ZBTB20: variants seen among roughly 807,000 people sequenced by gnomAD.
ZBTB20 encodes the protein zinc finger and BTB domain containing 20, also known as zinc finger and BTB domain-containing protein 20.
A neutral mutation model predicts 56.9 loss-of-function variants in ZBTB20; 9 were observed. That is an observed-to-expected ratio of 0.16 (90% confidence interval 0.10 to 0.28). ZBTB20 has a LOEUF of 0.28. ZBTB20 is among the 10% of genes least tolerant of loss of function. The probability of loss-of-function intolerance (pLI) is 1.00; values close to 1 mark genes in which losing one functional copy is unlikely to be tolerated. For missense variants in ZBTB20, 655 were observed against 1,003.0 expected (o/e 0.65, Z 4.69); for synonymous variants, 417 against 420.7 (o/e 0.99, Z 0.11).
intron 5 of ZBTB20, among the ~76,000 whole-genome samples, chr3:114,705,179 ATAATACTAACCCTTCCCTCACCACCAC>A (rs1181086167): frequency 6.6e-6 from 1 of 152,182 alleles, no homozygotes; most frequent in East Asian, 1.9e-4. Context: ...ATATTTGTAT[ATAATACTAACCCTTCCCTCACCACCAC>A]AGCCTGATAG....
At chr3:114,910,121 A>G (rs953468684) in intron 3 of ZBTB20, among the ~76,000 whole-genome samples, 9 of 151,990 alleles carry the variant, frequency 5.9e-5, no homozygotes, top group Admixed American at 5.9e-4. Flanking sequence ...ACTGAATACT[A>G]TGAAATACTT....
chr3:114,883,923 T>C lies in ZBTB20; in HGVS notation c.-417+16381A>G, dbSNP rs1311189150. On this transcript the variant is annotated intron_variant, in intron 4 of 11. Transcript: ENST00000675478. The stretch of plus-strand genomic sequence containing the variant: ...TGGTAAGAATGGTGTGTTCTTTTTT[T>C]TTTTTTTTTTTTTTTTTTTTGAGAC... Among the ~76,000 whole-genome samples the C allele has an allele frequency of 9.4e-4, 59 of 62,456 alleles. 11 individuals are homozygous for C. In the East Asian group the frequency reaches 9.8e-3, roughly 10 times the overall value. The allele number at this position is 62,456 out of a possible 152,430, so 41.0% of individuals were successfully genotyped here.
At chr3:114,930,350 T>G (rs2076308749) in intron 3 of ZBTB20, among the ~76,000 whole-genome samples, 1 of 152,174 alleles carries the variant, frequency 6.6e-6, no homozygotes, top group Non-Finnish European at 1.5e-5. Context: ...AGGGAAATAA[T>G]ATTCCCTTAT....
intron 4 of ZBTB20, among the ~76,000 whole-genome samples, chr3:114,808,275 A>G (rs553309203): frequency 6.6e-6 from 1 of 152,068 alleles, no homozygotes; most frequent in Non-Finnish European, 1.5e-5. Flanking sequence ...TTGTTAAGCA[A>G]TGACAATTGA....
chr3:115,135,868 TTTAA>T (rs1010626140), intron 1 of ZBTB20, among the ~76,000 whole-genome samples: 49 of 152,274 alleles, frequency 3.2e-4, no homozygotes, highest in African/African-American at 1.1e-3. Context: ...AAACCTATTT[TTTAA>T]TTGTGTGAAA....
intron 6 of ZBTB20, among the ~76,000 whole-genome samples, chr3:114,566,713 T>C (rs2052796616): frequency 6.6e-6 from 1 of 152,228 alleles, no homozygotes; most frequent in Non-Finnish European, 1.5e-5. Context: ...TATCCTATCC[T>C]AGCACATTGT....
At chr3:115,118,050 C>T (rs1007310248) in intron 1 of ZBTB20, among the ~76,000 whole-genome samples, 8 of 152,138 alleles carry the variant, frequency 5.3e-5, no homozygotes, top group African/African-American at 1.9e-4. Context: ...TCAGTTTCCT[C>T]ATAGCAAAGA....
At chr3:114,967,955 T>C (rs1200708878) in intron 3 of ZBTB20, among the ~76,000 whole-genome samples, 1 of 136,410 alleles carries the variant, frequency 7.3e-6, no homozygotes, top group Non-Finnish European at 1.5e-5. Flanking sequence ...AGACTCTGTC[T>C]CAAAAAAAAA....
In ZBTB20 at chr3:114,321,617, G is replaced by GT. The variant is rs1176559160; in HGVS notation, c.*17387dup. ...AACAAAAAATAAAGAGAAAGAACTG[G>GT]TAAGAGTTGAGCTCGGTAGCCAACT... On this transcript the variant is annotated 3_prime_UTR_variant, in exon 12 of 12. Transcript: ENST00000675478. 11 of 152,196 alleles carry GT rather than the reference G, an allele frequency of 7.2e-5. No homozygotes were observed. The highest frequency in any genetic ancestry group is 1.5e-5 in the Non-Finnish European group (1 of 68,016). The allele number at this position is 152,196 out of a possible 1,614,324, so 9.4% of individuals were successfully genotyped here.
chr3:114,685,312 G>T (rs976869313), intron 6 of ZBTB20, among the ~76,000 whole-genome samples: 12 of 152,164 alleles, frequency 7.9e-5, no homozygotes, highest in Non-Finnish European at 1.3e-4. Context: ...TTAGGCATCA[G>T]CAGGCTTGAT....
At chr3:114,583,531 A>G (rs1157160055) in intron 6 of ZBTB20, among the ~76,000 whole-genome samples, 2 of 152,210 alleles carry the variant, frequency 1.3e-5, no homozygotes, top group Admixed American at 6.5e-5. Flanking sequence ...TTTTATCACC[A>G]AGAACGTTAC....
intron 7 of ZBTB20, among the ~76,000 whole-genome samples, chr3:114,436,305 A>C (rs550000451): frequency 1.3e-5 from 2 of 152,294 alleles, no homozygotes; most frequent in African/African-American, 4.8e-5. Context: ...AGGTGCTCTT[A>C]GGAGTTCCCG....
At chr3:114,494,296 T>C (rs1454911708) in intron 7 of ZBTB20, among the ~76,000 whole-genome samples, 2 of 152,198 alleles carry the variant, frequency 1.3e-5, no homozygotes, top group African/African-American at 2.4e-5. Context: ...CTTTTGAGAC[T>C]CTGAAAAGGG....
chr3:114,893,437 T>C (rs1342679687), intron 4 of ZBTB20, among the ~76,000 whole-genome samples: 1 of 152,218 alleles, frequency 6.6e-6, no homozygotes. Flanking sequence ...AATTGGGTCA[T>C]GAACAAGTTC....
At chr3:115,066,690 G>T (rs778867307) in intron 2 of ZBTB20, among the ~76,000 whole-genome samples, 3 of 151,988 alleles carry the variant, frequency 2.0e-5, no homozygotes, top group African/African-American at 4.8e-5. Flanking sequence ...TTCATGATAG[G>T]CACCTACTTA....
intron 11 of ZBTB20, among the ~76,000 whole-genome samples, chr3:114,348,386 A>G (rs1420952432): frequency 1.3e-5 from 2 of 152,248 alleles, no homozygotes; most frequent in African/African-American, 4.8e-5. Context: ...AAGATGCTAC[A>G]AAATAAAAAC....
intron 6 of ZBTB20, chr3:114,582,174 G>C (rs1037574594): frequency 6.6e-6 from 1 of 151,988 alleles, no homozygotes; most frequent in Admixed American, 6.6e-5. Flanking sequence ...ATTCTTCTTA[G>C]GTATTATAAA....
intron 6 of ZBTB20, among the ~76,000 whole-genome samples, chr3:114,644,192 G>T (rs538681147): frequency 6.6e-6 from 1 of 151,818 alleles, no homozygotes; most frequent in African/African-American, 2.4e-5. Context: ...AAAACAAAAC[G>T]AAATAAAATA....
chr3:115,129,502 G>C (rs972943323), intron 1 of ZBTB20, among the ~76,000 whole-genome samples: 3 of 152,114 alleles, frequency 2.0e-5, no homozygotes, highest in African/African-American at 7.2e-5. Flanking sequence ...CCAAAAAAAT[G>C]GCCAATGGCA....
Sources: allele counts gnomAD v4.1 joint callset (sites outside exome capture counted in the v4.1 genomes callset), GRCh38; gene constraint gnomAD v4.1.1; transcripts MANE v1.5; gene names NCBI Gene and HGNC (gene_info 2026-07-23, HGNC 2026-07-21).